The following TMEM63A variants were observed in gnomAD, a reference collection of about 807,000 sequenced individuals.
The protein encoded by TMEM63A is mechanosensitive cation channel TMEM63A.
TMEM63A carries 76 observed loss-of-function variants against 100.6 expected under a neutral mutation model. That is an observed-to-expected ratio of 0.76 (90% CI 0.63 to 0.91). TMEM63A has a LOEUF of 0.91. Among genes scored for constraint, TMEM63A ranks in the 40% least tolerant of loss-of-function variants. The pLI, the probability that TMEM63A is intolerant of heterozygous loss-of-function variation, is 0.00. For synonymous variants in TMEM63A, 401 were observed against 401.1 expected (o/e 1.00, Z 0.00); for missense variants, 876 against 1,008.8 (o/e 0.87, Z 1.78).
intron 6 of TMEM63A, among the ~76,000 whole-genome samples, chr1:225,870,388 T>C (rs949288197): frequency 5.3e-5 from 8 of 151,362 alleles, no homozygotes; most frequent in Non-Finnish European, 1.0e-4. Context: ...AACAATAACT[T>C]CTTAGATTCA....
intron 3 of TMEM63A, among the ~76,000 whole-genome samples, 158 bp downstream of exon 3, chr1:225,877,237 G>T (rs1356993512): frequency 1.3e-5 from 2 of 152,218 alleles, no homozygotes; most frequent in South Asian, 4.1e-4. Flanking sequence ...GTGCACAGAA[G>T]CTAAGTAACA....
chr1:225,868,447 A>T (rs1447547284), intron 6 of TMEM63A, among the ~76,000 whole-genome samples: 1 of 151,980 alleles, frequency 6.6e-6, no homozygotes, highest in Non-Finnish European at 1.5e-5. Context: ...AGGCTGAGGC[A>T]GGTGGATCAC....
At chr1:225,848,673 C>G (rs569832627) in intron 22 of TMEM63A, 119 bp from the exon 23 acceptor site, 1 of 1,143,890 alleles carries the variant, frequency 8.7e-7, no homozygotes, top group Non-Finnish European at 1.3e-6. Context: ...ACCAAGCTCC[C>G]CAGCAGCCCG....
intron 17 of TMEM63A, among the ~76,000 whole-genome samples, 169 bp downstream of exon 17, chr1:225,856,483 T>C (rs1373911051): frequency 6.6e-6 from 1 of 151,996 alleles, no homozygotes; most frequent in Non-Finnish European, 1.5e-5. Context: ...TCAATCATAT[T>C]GCCAGAAGAA....
chr1:225,868,707 G>A (rs932007112), intron 6 of TMEM63A, among the ~76,000 whole-genome samples: 2 of 150,592 alleles, frequency 1.3e-5, no homozygotes, highest in Admixed American at 1.3e-4. Flanking sequence ...AAAAAAAAAA[G>A]AATAAAGTTG....
chr1:225,855,070 C>T (rs1669550285), intron 18 of TMEM63A, among the ~76,000 whole-genome samples: 1 of 152,208 alleles, frequency 6.6e-6, no homozygotes, highest in South Asian at 2.1e-4. Context: ...TCACAGTCAT[C>T]AGCTCCCAAC....
At position 225,874,335 on chromosome 1, in the gene TMEM63A, T is replaced by C; in HGVS notation, c.219A>G (p.Arg73=). ...CAATGCGGCCATAGTCCCAGAATCTTCTTCTTATAATAGAAAACACCAAGA... is the reference window on the plus strand; with the variant it reads ...CAATGCGGCCATAGTCCCAGAATCTCCTTCTTATAATAGAAAACACCAAGA... The part of the protein sequence containing the change: ...FLILVFSIIR[R]RFWDYGRIAL... Residue 73 remains arginine (R), a synonymous_variant, in exon 4 of 25, where the codon AGA becomes AGG. Coordinates refer to ENST00000366835, the MANE Select transcript of TMEM63A (RefSeq NM_014698.3). The C allele has an allele frequency of 6.2e-7, 1 of 1,614,050 alleles. No individual in the cohort carries two copies.
chr1:225,865,902 G>A lies in TMEM63A; in HGVS notation c.741C>T (p.His247=). 1 of 1,613,928 alleles carries A rather than the reference G, an allele frequency of 6.2e-7. No homozygotes were observed. Among genetic ancestry groups the A allele is most frequent in the Non-Finnish European group, 8.5e-7 (1 of 1,179,926 alleles). The change falls in exon 10 of 25, where the codon CAC becomes CAT. Residue 247 remains histidine (H), a synonymous_variant. Coordinates refer to ENST00000366835, the MANE Select transcript of TMEM63A (RefSeq NM_014698.3). This position sits in a 1 kb window ranked among gnomAD's most constrained non-coding sequence, Gnocchi z 4.6. Reference sequence around the variant, plus strand: ...CTCCCACCCCACCTGCTTACCGGAAGTGGCTCTCCACAGTCTCCTTCCTGG... The same window carrying A: ...CTCCCACCCCACCTGCTTACCGGAAATGGCTCTCCACAGTCTCCTTCCTGG... The part of the protein sequence containing the change: ...RDARKETVES[H]FRDAYPTCEV...
downstream of TMEM63A, chr1:225,845,388 G>A (rs1668885187): frequency 6.5e-7 from 1 of 1,531,600 alleles, no homozygotes; most frequent in Admixed American, 2.0e-5. Flanking sequence ...CCCCACAAGT[G>A]CCCTCCAGGC....
At chr1:225,855,985 A>G in intron 17 of TMEM63A, 45 bp from the exon 18 acceptor site, 1 of 1,588,154 alleles carries the variant, frequency 6.3e-7, no homozygotes, top group Non-Finnish European at 8.6e-7. Context: ...CCAGCATTCC[A>G]TATTGTCACT....
rs201498073 is a variant in TMEM63A at position 225,862,837 on chromosome 1, G to A, written c.761C>T (p.Thr254Met). ...VESHFRDAYP[T>M]CEVVDVQLCY... ...CAGCTGCACATCAACCACCTCACAC[G>A]TGGGATACGCGTCCCTGTGGCCAGG... The change falls in exon 11 of 25, where the codon ACG becomes ATG. Residue 254 changes from threonine (T) to methionine (M), a missense_variant. By Grantham distance (81) the Thr-to-Met change is moderately conservative. Transcript: ENST00000366835. The surrounding 1 kb of genome is among the most constrained non-coding windows in gnomAD (Gnocchi z 5.1). 18 of 1,613,822 alleles carry A rather than the reference G, an allele frequency of 1.1e-5. No homozygotes were observed. Among genetic ancestry groups the A allele is most frequent in the Middle Eastern group, 1.6e-4 (1 of 6,062 alleles).
intron 14 of TMEM63A, 153 bp downstream of exon 14, chr1:225,860,707 C>T: frequency 1.1e-6 from 1 of 913,416 alleles, no homozygotes; most frequent in South Asian, 2.8e-5. Flanking sequence ...CCAGTTGGGC[C>T]ACACCGAGCA....
chr1:225,845,006 C>A, downstream of TMEM63A: 1 of 947,496 alleles, frequency 1.1e-6, no homozygotes. Context: ...GCGGTTGAGA[C>A]CCTGGATTTG....
At chr1:225,869,666 C>CTTTTCTT (rs76862516) in intron 6 of TMEM63A, among the ~76,000 whole-genome samples, 1,650 of 109,882 alleles carry the variant, frequency 0.015, 63 homozygotes, top group Non-Finnish European at 0.021. Context: ...CTTTTCTTTT[C>CTTTTCTT]TTTTTTTTTT....
At chr1:225,857,841 CCTT>C (rs200325113) in intron 15 of TMEM63A, among the ~76,000 whole-genome samples, 1,588 of 152,292 alleles carry the variant, frequency 0.01, 16 homozygotes, top group Middle Eastern at 0.014. Context: ...ATAGGCCTGT[CCTT>C]CTATTAAAAG....
At chr1:225,844,151 G>A (rs1413916823), downstream of TMEM63A, among the ~76,000 whole-genome samples, 1 of 152,292 alleles carries the variant, frequency 6.6e-6, no homozygotes, top group South Asian at 2.1e-4. Context: ...CATGCTGCCT[G>A]GTATGTGGTC....
At chr1:225,859,036 T>C (rs1669799517) in intron 15 of TMEM63A, among the ~76,000 whole-genome samples, 160 bp downstream of exon 15, 1 of 149,730 alleles carries the variant, frequency 6.7e-6, no homozygotes, top group Non-Finnish European at 1.5e-5. Flanking sequence ...AATGTGGCCA[T>C]GCCTGCTCAG....
intron 2 of TMEM63A, 59 bp downstream of exon 2, chr1:225,879,161 A>C (rs360099): frequency 0.67 from 102,191 of 152,190 alleles, 34,544 homozygotes; most frequent in Middle Eastern, 0.68. Flanking sequence ...AATGGAACAC[A>C]CCAGCCCAAC....
At position 225,853,160 on chromosome 1, in the gene TMEM63A, G is replaced by A. The variant is rs899219996; in HGVS notation, c.1798-391C>T. On this transcript the variant is annotated intron_variant, in intron 19 of 24. Transcript: ENST00000366835. The surrounding 1 kb of genome is among the most constrained non-coding windows in gnomAD (Gnocchi z 4.0). ...CCCAGCTCATAAGGGGGCTGAGAAT[G>A]AAATGAAGGAATGCAGCACTTCTCC... 2.0e-5 allele frequency among the ~76,000 whole-genome samples: 3 copies of A among 152,154 alleles called. No individual in the cohort carries two copies. Among genetic ancestry groups the A allele is most frequent in the African/African-American group, 4.8e-5 (2 of 41,436 alleles).
Sources: gnomAD v4.1 joint callset for allele counts (sites outside exome capture counted in the v4.1 genomes callset) on GRCh38, gnomAD v4.1.1 for gene constraint, Gnocchi (gnomAD v3.1) non-coding constraint, MANE v1.5 for transcripts, NCBI Gene and HGNC (gene_info 2026-07-23, HGNC 2026-07-21) for gene names.